Variants in PSMA1 observed in about 807,000 individuals in gnomAD.
PSMA1 encodes proteasome subunit alpha type-1.
PSMA1 carries 3 observed loss-of-function variants against 38.4 expected under a neutral mutation model. The ratio of observed to expected loss-of-function variants is 0.08; its 90% CI spans 0.04 to 0.20. PSMA1 has a LOEUF of 0.20. Ranked by LOEUF, PSMA1 falls within the 10% of genes least tolerant of loss-of-function variation. PSMA1 has a pLI of 1.00. For synonymous variants in PSMA1, 101 were observed against 107.1 expected (o/e 0.94, Z 0.35); for missense variants, 227 against 325.3 (o/e 0.70, Z 2.32).
At chr11:14,540,232 C>A (rs968877612) in intron 2 of PSMA1, among the ~76,000 whole-genome samples, 2 of 152,172 alleles carry the variant, frequency 1.3e-5, no homozygotes, top group Non-Finnish European at 2.9e-5. Flanking sequence ...CTGTGGGTGA[C>A]CTTGTCTTTT....
In PSMA1 at chr11:14,621,443, G is replaced by GT. The variant is rs561456395; in HGVS notation, c.-165-10293dup. On this transcript the variant is annotated intron_variant, in intron 1 of 10. Transcript: ENST00000418988. ...CAGCTAATTTTCAATGTTTTGTTTT[G>GT]TTTTTTTTGTAGAGATGGGGTCCCA... Among the ~76,000 whole-genome samples the GT allele has an allele frequency of 3.9e-3, 594 of 151,492 alleles. 11 individuals carry two copies. Among genetic ancestry groups the GT allele is most frequent in the Non-Finnish European group, 2.7e-3 (181 of 67,810 alleles).
chr11:14,603,487 A>T (rs1050392168), intron 2 of PSMA1, among the ~76,000 whole-genome samples: 2 of 152,186 alleles, frequency 1.3e-5, no homozygotes, highest in African/African-American at 2.4e-5. Flanking sequence ...GAGATGGAAA[A>T]GTTGTTTTTT....
At chr11:14,535,450 T>C (rs1408605412) in intron 2 of PSMA1, among the ~76,000 whole-genome samples, 2 of 151,456 alleles carry the variant, frequency 1.3e-5, no homozygotes, top group East Asian at 3.9e-4. Flanking sequence ...CTTTCTTTTT[T>C]TTTTTTTTTT....
At chr11:14,584,502 TTTTTG>T in intron 2 of PSMA1, among the ~76,000 whole-genome samples, 1 of 149,320 alleles carries the variant, frequency 6.7e-6, no homozygotes, top group African/African-American at 2.5e-5. Flanking sequence ...TTTTTTTTGT[TTTTTG>T]TTTTTTTTTT....
At chr11:14,545,088 CTTAGA>C (rs969045819) in intron 2 of PSMA1, among the ~76,000 whole-genome samples, 13 of 152,106 alleles carry the variant, frequency 8.5e-5, no homozygotes, top group Non-Finnish European at 1.5e-4. Context: ...ATGCTGTAAA[CTTAGA>C]TTATAGTGAA....
chr11:14,597,355 T>C (rs1248852608), intron 2 of PSMA1, among the ~76,000 whole-genome samples: 1 of 152,186 alleles, frequency 6.6e-6, no homozygotes, highest in East Asian at 1.9e-4. Flanking sequence ...TAGAATTCGG[T>C]TGTGAATCCA....
chr11:14,578,325 G>A (rs1852244238), intron 2 of PSMA1, among the ~76,000 whole-genome samples: 1 of 152,190 alleles, frequency 6.6e-6, no homozygotes, highest in African/African-American at 2.4e-5. Context: ...AAACAGGACA[G>A]GGCTGGGCTT....
At chr11:14,579,735 T>C (rs1589998321) in intron 2 of PSMA1, among the ~76,000 whole-genome samples, 1 of 152,174 alleles carries the variant, frequency 6.6e-6, no homozygotes, top group Non-Finnish European at 1.5e-5. Context: ...CTAGTTCCCC[T>C]AGAAACCCCC....
intron 2 of PSMA1, among the ~76,000 whole-genome samples, chr11:14,593,968 C>T (rs560252341): frequency 4.6e-5 from 7 of 152,312 alleles, no homozygotes; most frequent in East Asian, 3.9e-4. Context: ...GGTTGCCTTA[C>T]GCAGTTGTGG....
chr11:14,638,535 CTCTCTCTCTCTATA>C (rs1212276790), intron 1 of PSMA1, among the ~76,000 whole-genome samples: 15 of 25,640 alleles, frequency 5.9e-4, no homozygotes, highest in African/African-American at 2.2e-3. Flanking sequence ...CTCTCTCTCT[CTCTCTCTCTCTATA>C]TATATATATA....
chr11:14,577,732 G>A (rs1017203956), intron 2 of PSMA1, among the ~76,000 whole-genome samples: 1 of 152,082 alleles, frequency 6.6e-6, no homozygotes, highest in South Asian at 2.1e-4. Context: ...CATGCTCAAG[G>A]CCACACAGCT....
At chr11:14,597,219 T>C (rs1293155123) in intron 2 of PSMA1, among the ~76,000 whole-genome samples, 1 of 152,202 alleles carries the variant, frequency 6.6e-6, no homozygotes, top group Non-Finnish European at 1.5e-5. Flanking sequence ...TTTTGTTGTG[T>C]CTGTGCCACG....
intron 1 of PSMA1, among the ~76,000 whole-genome samples, chr11:14,638,520 T>TCC (rs1565065363): frequency 0.098 from 2,444 of 24,964 alleles, 34 homozygotes; most frequent in African/African-American, 0.18. Context: ...TCTCTCTCTC[T>TCC]CTCTCTCTCT....
intron 2 of PSMA1, among the ~76,000 whole-genome samples, chr11:14,552,453 C>T (rs138848136): frequency 1.3e-5 from 2 of 152,208 alleles, no homozygotes; most frequent in Non-Finnish European, 1.5e-5. Flanking sequence ...TCTGAAATTG[C>T]GGCTGAGATT....
At chr11:14,567,150 C>G (rs892178574) in intron 2 of PSMA1, among the ~76,000 whole-genome samples, 2 of 152,214 alleles carry the variant, frequency 1.3e-5, no homozygotes, top group African/African-American at 2.4e-5. Context: ...GAGGATGCAT[C>G]CACCTGAGAG....
chr11:14,570,940 AG>A (rs1477031863), intron 2 of PSMA1, among the ~76,000 whole-genome samples: 1 of 152,236 alleles, frequency 6.6e-6, no homozygotes, highest in Non-Finnish European at 1.5e-5. Context: ...AAAAATGTTA[AG>A]GGCAGCAAGA....
At chr11:14,575,810 T>C (rs1016309794) in intron 2 of PSMA1, among the ~76,000 whole-genome samples, 12 of 152,224 alleles carry the variant, frequency 7.9e-5, no homozygotes, top group Non-Finnish European at 1.6e-4. Context: ...GTATTTCTAG[T>C]TCTAGATCCT....
At chr11:14,568,029 T>C (rs1852093250) in intron 2 of PSMA1, among the ~76,000 whole-genome samples, 1 of 152,200 alleles carries the variant, frequency 6.6e-6, no homozygotes, top group Non-Finnish European at 1.5e-5. Flanking sequence ...ATGTATTGAT[T>C]GGTTGATGAA....
intron 2 of PSMA1, among the ~76,000 whole-genome samples, chr11:14,581,006 CA>C (rs1245332359): frequency 3.3e-5 from 5 of 152,080 alleles, no homozygotes; most frequent in Non-Finnish European, 7.4e-5. Flanking sequence ...ATACTGACAC[CA>C]GGGAGCTATG....
Sources: gnomAD v4.1 joint callset for allele counts (sites outside exome capture counted in the v4.1 genomes callset) on GRCh38, gnomAD v4.1.1 for gene constraint, MANE v1.5 for transcripts, NCBI Gene and HGNC (gene_info 2026-07-23, HGNC 2026-07-21) for gene names.